The following TBC1D5 variants were observed in gnomAD, a reference collection of about 807,000 sequenced individuals.
TBC1D5 encodes the protein TBC1 domain family, member 5.
Under a neutral mutation model 100.3 loss-of-function variants are expected in TBC1D5, and 75 were observed. The observed-to-expected ratio is 0.75, with a 90% CI of 0.62 to 0.91. The LOEUF is 0.91. Among genes scored for constraint, TBC1D5 ranks in the 40% least tolerant of loss-of-function variants. TBC1D5 has a pLI of 0.00. For synonymous variants in TBC1D5, 323 were observed against 325.6 expected, an observed-to-expected ratio of 0.99 and a Z score of 0.09; for missense variants, 910 against 942.4, an observed-to-expected ratio of 0.97 and a Z score of 0.45.
intron 2 of TBC1D5, among the ~76,000 whole-genome samples, chr3:17,514,713 T>A (rs1390283017): frequency 1.3e-5 from 2 of 152,126 alleles, no homozygotes; most frequent in African/African-American, 4.8e-5. Context: ...CATGAGAAAG[T>A]GACACTTGTG....
chr3:17,649,494 G>A (rs373841302), intron 1 of TBC1D5, among the ~76,000 whole-genome samples: 1 of 151,940 alleles, frequency 6.6e-6, no homozygotes, highest in Non-Finnish European at 1.5e-5. Flanking sequence ...TAAAAATAAT[G>A]CACTCAAAAT....
chr3:17,542,357 C>A (rs1262889396), intron 2 of TBC1D5, among the ~76,000 whole-genome samples: 1 of 152,068 alleles, frequency 6.6e-6, no homozygotes, highest in Non-Finnish European at 1.5e-5. Context: ...AATGTGGTAT[C>A]TTTCTCATTC....
intron 3 of TBC1D5, among the ~76,000 whole-genome samples, chr3:17,472,359 C>T (rs1016909805): frequency 1.1e-4 from 17 of 151,918 alleles, no homozygotes. Flanking sequence ...AGGATGGTCT[C>T]GATCTCTTGA....
At chr3:17,717,908 C>A (rs553398151) in intron 1 of TBC1D5, among the ~76,000 whole-genome samples, 1 of 152,230 alleles carries the variant, frequency 6.6e-6, no homozygotes, top group African/African-American at 2.4e-5. Context: ...ATGCTGACAG[C>A]AGCCCATGAA....
intron 3 of TBC1D5, among the ~76,000 whole-genome samples, chr3:17,454,289 C>T (rs182972368): frequency 2.0e-5 from 3 of 151,894 alleles, no homozygotes; most frequent in East Asian, 1.9e-4. Flanking sequence ...GATGAGATAA[C>T]GGTATAAATG....
At chr3:17,706,131 T>G (rs1384406435) in intron 1 of TBC1D5, 1 of 1,603,816 alleles carries the variant, frequency 6.2e-7, no homozygotes, top group Non-Finnish European at 8.5e-7. Flanking sequence ...CAAGTCGGGC[T>G]TGAGGCAAAG....
chr3:17,388,639 AG>A, intron 8 of TBC1D5, among the ~76,000 whole-genome samples: 1 of 148,698 alleles, frequency 6.7e-6, no homozygotes, highest in Admixed American at 6.8e-5. Flanking sequence ...CCTTGAGCCC[AG>A]GGGTTTGAGA....
At chr3:17,256,183 G>C (rs1053733301) in intron 16 of TBC1D5, among the ~76,000 whole-genome samples, 1 of 151,878 alleles carries the variant, frequency 6.6e-6, no homozygotes, top group African/African-American at 2.4e-5. Context: ...TTTGTGTGTG[G>C]TTGATACTTT....
chr3:17,440,722 A>G (rs1258448498), intron 3 of TBC1D5, among the ~76,000 whole-genome samples: 1 of 152,000 alleles, frequency 6.6e-6, no homozygotes, highest in Non-Finnish European at 1.5e-5. Context: ...GCTTACTGCA[A>G]CCTCTGCCTC....
intron 15 of TBC1D5, among the ~76,000 whole-genome samples, chr3:17,266,105 C>T (rs528870017): frequency 2.0e-4 from 30 of 152,160 alleles, no homozygotes; most frequent in African/African-American, 7.2e-4. Flanking sequence ...TATTAAAATG[C>T]TAATTTTGTC....
intron 19 of TBC1D5, among the ~76,000 whole-genome samples, chr3:17,169,864 C>T (rs1234474876): frequency 1.3e-5 from 2 of 152,120 alleles, no homozygotes; most frequent in Non-Finnish European, 2.9e-5. Context: ...GAAATGGTTT[C>T]GCGATGAAAC....
At chr3:17,248,962 G>A (rs904122732) in intron 16 of TBC1D5, among the ~76,000 whole-genome samples, 1 of 152,142 alleles carries the variant, frequency 6.6e-6, no homozygotes, top group Non-Finnish European at 1.5e-5. Flanking sequence ...ATGTTACAGA[G>A]ACAACTTCTT....
rs1316534004 is a variant in TBC1D5 at position 17,382,008 on chromosome 3, C to T, written c.612+1905G>A. On this transcript the variant is annotated intron_variant, in intron 9 of 21. Transcript: ENST00000253692. ...TGAACAATGGTCAATTCACATAATA[C>T]TGTCACATTAGTTTGATCACAGAAC... 2.6e-5 allele frequency among the ~76,000 whole-genome samples: 4 copies of T among 152,074 alleles called. No individual in the cohort carries two copies. The East Asian group carries it at 5.8e-4, about 22-fold the overall frequency.
rs1053813507 is a variant in TBC1D5, at chr3:17,363,134, C to A, written c.995+8941G>T. Among the ~76,000 whole-genome samples the A allele has an allele frequency of 2.6e-5, 4 of 151,942 alleles. No homozygotes were observed. The South Asian group carries it at 8.3e-4, about 32-fold the overall frequency. On this transcript the variant is annotated intron_variant, in intron 13 of 21. Coordinates refer to ENST00000253692, the Ensembl canonical transcript of TBC1D5. ...TGCCTTCTACTTTTATTTTACTTTT[C>A]TTTTTCCATGTTCTTGGCATAACAT...
intron 3 of TBC1D5, among the ~76,000 whole-genome samples, chr3:17,486,092 G>C (rs2095563403): frequency 1.3e-5 from 2 of 152,072 alleles, no homozygotes; most frequent in African/African-American, 4.8e-5. Flanking sequence ...CTGATGGCCA[G>C]TGATGATGAG....
chr3:17,437,507 C>A (rs75455988), intron 3 of TBC1D5, among the ~76,000 whole-genome samples: 1 of 151,430 alleles, frequency 6.6e-6, no homozygotes, highest in African/African-American at 2.4e-5. Flanking sequence ...GGGGGTGGTA[C>A]CAGATCATAT....
Position 17,442,268 on chromosome 3 carries a change from G to C in TBC1D5, c.98-13749C>G, listed in dbSNP as rs73161449. ...CATTTCTAACCATGTGACAAGACCA[G>C]GTCTAGTTGTAGAACTATGCTGCCA... is the stretch of plus-strand genomic sequence containing the variant. On this transcript the variant is annotated intron_variant, in intron 3 of 21. Coordinates refer to ENST00000253692, the Ensembl canonical transcript of TBC1D5. 5.3e-3 allele frequency among the ~76,000 whole-genome samples: 812 copies of C among 152,228 alleles called. 13 individuals carry two copies. The highest frequency in any genetic ancestry group is 0.019 in the African/African-American group (780 of 41,542).
intron 2 of TBC1D5, among the ~76,000 whole-genome samples, chr3:17,587,997 A>T (rs1382963686): frequency 6.6e-6 from 1 of 152,096 alleles, no homozygotes; most frequent in Non-Finnish European, 1.5e-5. Context: ...TCATAGTACT[A>T]TGTCACTACT....
chr3:17,469,836 G>C (rs540080407), intron 3 of TBC1D5, among the ~76,000 whole-genome samples: 1 of 152,168 alleles, frequency 6.6e-6, no homozygotes, highest in Non-Finnish European at 1.5e-5. Flanking sequence ...ACGATGACCC[G>C]ATCTTCCAAA....
Sources: gnomAD v4.1 joint callset for allele counts (sites outside exome capture counted in the v4.1 genomes callset) on GRCh38, gnomAD v4.1.1 for gene constraint, MANE v1.5 for transcripts, NCBI Gene and HGNC (gene_info 2026-07-23, HGNC 2026-07-21) for gene names.